PCDH9: variants seen among roughly 807,000 people sequenced by gnomAD.
PCDH9 encodes the protein protocadherin-9.
In PCDH9, 24 loss-of-function variants were observed where a neutral mutation model predicts 70.6. The ratio of observed to expected loss-of-function variants is 0.34; its 90% CI spans 0.25 to 0.48. The LOEUF is 0.48. Ranked by LOEUF, PCDH9 falls within the 20% of genes least tolerant of loss-of-function variation. The pLI is 0.99. For synonymous variants in PCDH9, 562 were observed against 558.5 expected (o/e 1.01, Z -0.09); for missense variants, 1,281 against 1,503.6 (o/e 0.85, Z 2.45).
intron 3 of PCDH9, among the ~76,000 whole-genome samples, chr13:66,704,313 GA>G (rs1471249952): frequency 6.6e-6 from 1 of 152,142 alleles, no homozygotes; most frequent in African/African-American, 2.4e-5. Flanking sequence ...AGTTAAAGCA[GA>G]AACTGATGTG....
chr13:67,133,069 A>G (rs1417095889), intron 2 of PCDH9, among the ~76,000 whole-genome samples: 1 of 152,174 alleles, frequency 6.6e-6, no homozygotes, highest in African/African-American at 2.4e-5. Context: ...GACTTCAAAC[A>G]GCACTTTGCC....
intron 2 of PCDH9, among the ~76,000 whole-genome samples, chr13:67,110,213 A>G (rs547076219): frequency 6.6e-6 from 1 of 151,838 alleles, no homozygotes; most frequent in Admixed American, 6.6e-5. Flanking sequence ...TAAAAAAAAA[A>G]CAAAAAACAA....
At chr13:66,730,876 G>GTTTTTTTTTTTTTTTTTTTTTTTTTTTT (rs758928616) in intron 3 of PCDH9, among the ~76,000 whole-genome samples, 1 of 46,358 alleles carries the variant, frequency 2.2e-5, no homozygotes, top group African/African-American at 7.5e-5. Flanking sequence ...GTGTGTGTGT[G>GTTTTTTTTTTTTTTTTTTTTTTTTTTTT]TTTTTTTTTT....
chr13:66,716,297 A>G (rs1025500280), intron 3 of PCDH9, among the ~76,000 whole-genome samples: 2 of 152,214 alleles, frequency 1.3e-5, no homozygotes, highest in Non-Finnish European at 2.9e-5. Flanking sequence ...TGTTTGTGCT[A>G]TACATTACAT....
At chr13:66,589,580 T>C (rs960384893) in intron 4 of PCDH9, among the ~76,000 whole-genome samples, 2 of 152,040 alleles carry the variant, frequency 1.3e-5, no homozygotes, top group African/African-American at 2.4e-5. Context: ...GATAGTCATA[T>C]AAGATGGCAT....
intron 2 of PCDH9, among the ~76,000 whole-genome samples, chr13:67,110,422 G>A (rs1327893147): frequency 6.7e-6 from 1 of 148,298 alleles, no homozygotes; most frequent in Non-Finnish European, 1.5e-5. Context: ...GCTGAGGCAG[G>A]AGAGTTGCCT....
intron 3 of PCDH9, among the ~76,000 whole-genome samples, chr13:66,694,704 T>C (rs2078534405): frequency 6.6e-6 from 1 of 151,974 alleles, no homozygotes; most frequent in Non-Finnish European, 1.5e-5. Flanking sequence ...AATACTGTGA[T>C]ATCATATATA....
At chr13:66,351,333 C>T (rs1294099424) in intron 4 of PCDH9, among the ~76,000 whole-genome samples, 6 of 152,114 alleles carry the variant, frequency 3.9e-5, no homozygotes. Flanking sequence ...CATTTTACAT[C>T]TTTCATGCCG....
chr13:66,915,602 A>G (rs765509626), intron 2 of PCDH9, among the ~76,000 whole-genome samples: 1 of 151,654 alleles, frequency 6.6e-6, no homozygotes, highest in Non-Finnish European at 1.5e-5. Context: ...GCAATCACCC[A>G]AACAGCTACA....
intron 4 of PCDH9, among the ~76,000 whole-genome samples, chr13:66,381,761 G>C (rs1956852190): frequency 6.6e-6 from 1 of 152,128 alleles, no homozygotes; most frequent in East Asian, 1.9e-4. Context: ...TCCTTGAAAA[G>C]AATTTCAAAC....
intron 3 of PCDH9, among the ~76,000 whole-genome samples, chr13:66,660,005 C>T (rs2077987187): frequency 6.6e-6 from 1 of 152,154 alleles, no homozygotes; most frequent in Non-Finnish European, 1.5e-5. Flanking sequence ...AGATTTAAGT[C>T]TTTCCAATGT....
chr13:66,885,175 T>A (rs2081986815), intron 3 of PCDH9, among the ~76,000 whole-genome samples: 1 of 152,200 alleles, frequency 6.6e-6, no homozygotes, highest in Non-Finnish European at 1.5e-5. Flanking sequence ...TCTGCTCAAA[T>A]TACACAATTT....
intron 3 of PCDH9, among the ~76,000 whole-genome samples, chr13:66,709,407 G>T (rs2078761849): frequency 6.6e-6 from 1 of 152,146 alleles, no homozygotes; most frequent in South Asian, 2.1e-4. Flanking sequence ...ATTTGCTTCT[G>T]TTCCCAGTTT....
chr13:67,037,725 C>T (rs994208281), intron 2 of PCDH9, among the ~76,000 whole-genome samples: 8 of 152,060 alleles, frequency 5.3e-5, no homozygotes, highest in African/African-American at 9.7e-5. Flanking sequence ...TCTTTTCTGG[C>T]ACCAAGAGTA....
intron 3 of PCDH9, among the ~76,000 whole-genome samples, chr13:66,748,225 A>T (rs2079402698): frequency 6.6e-6 from 1 of 152,236 alleles, no homozygotes; most frequent in Non-Finnish European, 1.5e-5. Flanking sequence ...AACCAAAATC[A>T]ATAGCAATAG....
chr13:66,858,478 C>T (rs1376366713), intron 3 of PCDH9, among the ~76,000 whole-genome samples: 2 of 152,114 alleles, frequency 1.3e-5, no homozygotes, highest in Admixed American at 6.6e-5. Flanking sequence ...ATTGGGCCAG[C>T]CACTTTGATT....
chr13:66,608,942 C>T (rs2077255893), intron 4 of PCDH9, among the ~76,000 whole-genome samples: 1 of 152,168 alleles, frequency 6.6e-6, no homozygotes, highest in Non-Finnish European at 1.5e-5. Flanking sequence ...AAGACTTTAG[C>T]TAAGGGACCT....
rs1317513072 is a variant in PCDH9 at position 66,610,590 on chromosome 13, A to G, written c.3340+20620T>C. Among the ~76,000 whole-genome samples, 3 of 152,264 alleles carry G rather than the reference A, an allele frequency of 2.0e-5. No individual in the cohort carries two copies. In the East Asian group the frequency reaches 5.8e-4, roughly 29 times the overall value. ...GTGGAGTATTGGTATTTCTGGCTCA[A>G]AATACCTGAACTTCTTATTTTAAAT... On this transcript the variant is annotated intron_variant, in intron 4 of 4. Transcript: ENST00000377865.
At chr13:66,694,284 C>T (rs1365757365) in intron 3 of PCDH9, among the ~76,000 whole-genome samples, 1 of 152,104 alleles carries the variant, frequency 6.6e-6, no homozygotes, top group South Asian at 2.1e-4. Context: ...CAGCATTGGC[C>T]TAAGGGGCTG....
Sources: allele counts gnomAD v4.1 joint callset (sites outside exome capture counted in the v4.1 genomes callset), GRCh38; gene constraint gnomAD v4.1.1; transcripts MANE v1.5; gene names NCBI Gene and HGNC (gene_info 2026-07-23, HGNC 2026-07-21).